The following GRIK5 variants were observed in gnomAD, a reference collection of about 807,000 sequenced individuals.
GRIK5 encodes the protein glutamate receptor ionotropic, kainate 5.
Under a neutral mutation model 97.4 loss-of-function variants are expected in GRIK5, and 43 were observed. The observed-to-expected ratio is 0.44, with a 90% CI of 0.35 to 0.57. The LOEUF is 0.57. GRIK5 is among the 20% of genes least tolerant of loss of function. The probability of loss-of-function intolerance (pLI) is 0.01; values close to 1 mark genes in which losing one functional copy is unlikely to be tolerated. For missense variants in GRIK5, 1,015 were observed against 1,382.0 expected (o/e 0.73, Z 4.21); for synonymous variants, 580 against 583.5 (o/e 0.99, Z 0.09).
intron 15 of GRIK5, among the ~76,000 whole-genome samples, chr19:42,018,633 TGA>T (rs2075657150): frequency 8.6e-6 from 1 of 116,670 alleles, no homozygotes; most frequent in South Asian, 2.8e-4. Context: ...CACTCCAGCC[TGA>T]GCAACAAAGC....
chr19:42,058,820 C>T (rs866484932), intron 6 of GRIK5, among the ~76,000 whole-genome samples: 17 of 143,010 alleles, frequency 1.2e-4, no homozygotes, highest in Middle Eastern at 3.3e-3. Context: ...AGCAAGACTC[C>T]GTCTCAAAAA....
chr19:42,066,587 A>C (rs747714739), intron 1 of GRIK5, among the ~76,000 whole-genome samples: 9 of 152,006 alleles, frequency 5.9e-5, no homozygotes, highest in Non-Finnish European at 1.3e-4. Flanking sequence ...AATAGATAGA[A>C]ATACAAGGGA....
In GRIK5 at chr19:42,021,300, C is replaced by T; in HGVS notation, c.1871+1G>A. 6.2e-7 allele frequency: 1 copy of T among 1,611,154 alleles called. No individual in the cohort carries two copies. Among genetic ancestry groups the T allele is most frequent in the South Asian group, 1.1e-5 (1 of 90,784 alleles). On this transcript the variant is annotated splice_donor_variant, in intron 15 of 19. Coordinates refer to ENST00000593562, the MANE Select transcript of GRIK5 (RefSeq NM_002088.5). LOFTEE classifies it high-confidence loss of function. The surrounding 1 kb of genome is among the most constrained non-coding windows in gnomAD (Gnocchi z 4.2). ...GCAGAGGCAGATAGAAAGCTTCTCA[C>T]CAGACTCCGCTGACACAGCGCGTGG...
At chr19:42,039,810 T>C (rs1051669838) in intron 12 of GRIK5, among the ~76,000 whole-genome samples, 2 of 151,942 alleles carry the variant, frequency 1.3e-5, no homozygotes, top group African/African-American at 4.8e-5. Flanking sequence ...CCAGACCCCA[T>C]CTCTACAAAA....
intron 12 of GRIK5, among the ~76,000 whole-genome samples, chr19:42,037,908 C>T (rs1295512578): frequency 1.3e-5 from 2 of 152,324 alleles, no homozygotes; most frequent in Non-Finnish European, 1.5e-5. Flanking sequence ...GTGACTGCAG[C>T]GCAGCTCAAC....
At chr19:42,052,677 G>A (rs2076132457) in intron 11 of GRIK5, among the ~76,000 whole-genome samples, 1 of 152,192 alleles carries the variant, frequency 6.6e-6, no homozygotes, top group African/African-American at 2.4e-5. Flanking sequence ...ACAGGCCACG[G>A]ACTTGGCCAC....
intron 11 of GRIK5, among the ~76,000 whole-genome samples, chr19:42,050,157 T>C (rs1462981048): frequency 1.3e-5 from 2 of 152,072 alleles, no homozygotes; most frequent in Non-Finnish European, 2.9e-5. Context: ...CTCAAACTCA[T>C]GGGCCCAAGT....
chr19:42,059,592 TCTC>T (rs949191607), intron 5 of GRIK5, 65 bp from the exon 6 acceptor site: 23 of 1,385,524 alleles, frequency 1.7e-5, no homozygotes, highest in African/African-American at 5.6e-5. Flanking sequence ...GTAGACACTC[TCTC>T]CTCCTCAACA....
intron 12 of GRIK5, among the ~76,000 whole-genome samples, chr19:42,032,274 A>G (rs2075848842): frequency 6.6e-6 from 1 of 152,236 alleles, no homozygotes; most frequent in Admixed American, 6.5e-5. Context: ...GGTTAAAACA[A>G]TGATATTATA....
Position 42,042,224 on chromosome 19 carries a change from T to C in GRIK5, c.1473+328A>G, listed in dbSNP as rs1568912837. ...GGAAGCCTTTGACCTCCTCAGACCT[T>C]TTCCTGCTCCCCACTCCATGTCTCT... On this transcript the variant is annotated intron_variant, in intron 12 of 19. Transcript: ENST00000593562. This position sits in a 1 kb window ranked among gnomAD's most constrained non-coding sequence, Gnocchi z 6.9. Among the ~76,000 whole-genome samples, 1 of 152,174 alleles carries C rather than the reference T, an allele frequency of 6.6e-6. No homozygotes were observed. The highest frequency in any genetic ancestry group is 2.4e-5 in the African/African-American group (1 of 41,432).
At position 42,056,759 on chromosome 19, in the gene GRIK5, A is replaced by G. The variant is rs1320570113; in HGVS notation, c.806T>C (p.Met269Thr). The G allele has an allele frequency of 1.2e-6, 2 of 1,613,934 alleles. No individual in the cohort carries two copies. Among genetic ancestry groups the G allele is most frequent in the Non-Finnish European group, 8.5e-7 (1 of 1,179,960 alleles). ...EDSSNILGFS[M>T]FNTSHPFYPE... is the part of the protein sequence containing the mutation. ...GTAGAAGGGGTGGGACGTGTTGAAC[A>G]TGGAGAAGCCCAGGATGTTGGAGGA... Residue 269 changes from methionine (M) to threonine (T), a missense_variant, in exon 8 of 20, where the codon ATG becomes ACG. Physicochemically the swap from Met to Thr is moderately conservative, Grantham distance 81. Transcript: ENST00000593562.
At position 42,017,505 on chromosome 19, in the gene GRIK5, T is replaced by C. The variant is rs117606170; in HGVS notation, c.1871+3796A>G. Among the ~76,000 whole-genome samples, 965 of 152,166 alleles carry C rather than the reference T, an allele frequency of 6.3e-3. 5 individuals carry two copies. Among genetic ancestry groups the C allele is most frequent in the Non-Finnish European group, 1.0e-2 (678 of 68,022 alleles). ...AAAAATATTTGTTATAAAAAGAGGG[T>C]GTTGGGTCTGCAAGCACTGAAAACT... is the stretch of plus-strand genomic sequence containing the variant. On this transcript the variant is annotated intron_variant, in intron 15 of 19. Coordinates refer to ENST00000593562, the MANE Select transcript of GRIK5 (RefSeq NM_002088.5).
In GRIK5 at chr19:42,065,293, T is replaced by C; in HGVS notation, c.174A>G (p.Pro58=). 6.2e-7 allele frequency: 1 copy of C among 1,613,226 alleles called. No homozygotes were observed. The change falls in exon 3 of 20, where the codon CCA becomes CCG. Residue 58 remains proline, a synonymous_variant. Transcript: ENST00000593562. The surrounding 1 kb of genome is among the most constrained non-coding windows in gnomAD (Gnocchi z 5.8). ...REQINGIIEV[P]AKARVEVDIF... is the part of the protein sequence containing the mutation. The stretch of plus-strand genomic sequence containing the variant: ...TGTCTACTTCCACTCGGGCCTTGGC[T>C]GGGACCTCGATGATCCCGTTGATCT...
rs759912122 is a variant in GRIK5, at chr19:42,005,267, A to G, written c.2263+456T>C. On this transcript the variant is annotated intron_variant, in intron 17 of 19. Coordinates refer to ENST00000593562, the MANE Select transcript of GRIK5 (RefSeq NM_002088.5). ...AAAAAAAAAAAAAAAACAAAACACCAAACTTGTCCTGAAATATAAATAGGC... is the reference window on the plus strand; with the variant it reads ...AAAAAAAAAAAAAAAACAAAACACCGAACTTGTCCTGAAATATAAATAGGC... 3.8e-4 allele frequency among the ~76,000 whole-genome samples: 56 copies of G among 147,770 alleles called. 2 individuals carry two copies. Among genetic ancestry groups the G allele is most frequent in the Non-Finnish European group, 8.0e-4 (54 of 67,158 alleles).
chr19:42,027,303 T>C (rs1025951583), intron 12 of GRIK5, among the ~76,000 whole-genome samples: 7 of 152,158 alleles, frequency 4.6e-5, no homozygotes, highest in Non-Finnish European at 7.4e-5. Flanking sequence ...GGGGGTCTTA[T>C]TTGAATAGCA....
chr19:42,024,674 T>TA (rs1411724290), intron 12 of GRIK5, among the ~76,000 whole-genome samples: 1 of 152,082 alleles, frequency 6.6e-6, no homozygotes, highest in Non-Finnish European at 1.5e-5. Flanking sequence ...TTTGACCGAG[T>TA]ACAGCCTCTC....
At position 42,056,962 on chromosome 19, in the gene GRIK5, A is replaced by ATTCC; in HGVS notation, c.700_703dup (p.Met235ArgfsTer46). ...GATGTACTTGTAAAACGCTGAGGTC[A>ATTCC]TTCCCAGTTCCGAGGCCTGGAAAAC... On this transcript the variant is annotated frameshift_variant, in exon 7 of 20. Coordinates refer to ENST00000593562, the MANE Select transcript of GRIK5 (RefSeq NM_002088.5). LOFTEE classifies it high-confidence loss of function. 6.4e-7 allele frequency: 1 copy of ATTCC among 1,560,072 alleles called. No homozygotes were observed.
Position 42,065,344 on chromosome 19 carries a change from A to C in GRIK5, c.123T>G (p.Arg41=). ...DDQTVCGRGE[R]LALALAREQI... The stretch of plus-strand genomic sequence containing the variant: ...GCTCCCGGGCCAAGGCCAAGGCCAG[A>C]CGCTCACCGCGGCCACACACTGTCT... The change falls in exon 3 of 20, where the codon CGT becomes CGG. Residue 41 remains arginine (R), a synonymous_variant. Transcript: ENST00000593562. This position sits in a 1 kb window ranked among gnomAD's most constrained non-coding sequence, Gnocchi z 5.8. The C allele has an allele frequency of 6.2e-7, 1 of 1,608,230 alleles. No homozygotes were observed. Among genetic ancestry groups the C allele is most frequent in the African/African-American group, 1.3e-5 (1 of 74,998 alleles).
Position 42,022,231 on chromosome 19 carries a change from G to A in GRIK5, c.1587+10C>T, listed in dbSNP as rs1369424144. ...AGGCAAGCAGCCCATGGTCTCCAGG[G>A]GAACCATACCATGTGCACTCGGTAG... On this transcript the variant is annotated intron_variant, in intron 13 of 19. Coordinates refer to ENST00000593562, the MANE Select transcript of GRIK5 (RefSeq NM_002088.5). The surrounding 1 kb of genome is among the most constrained non-coding windows in gnomAD (Gnocchi z 4.2). The A allele has an allele frequency of 1.3e-6, 2 of 1,592,080 alleles. No individual in the cohort carries two copies. The highest frequency in any genetic ancestry group is 1.7e-5 in the Admixed American group (1 of 59,984).
Sources: allele counts gnomAD v4.1 joint callset (sites outside exome capture counted in the v4.1 genomes callset), GRCh38; gene constraint gnomAD v4.1.1; non-coding constraint Gnocchi (gnomAD v3.1); transcripts MANE v1.5; gene names NCBI Gene and HGNC (gene_info 2026-07-23, HGNC 2026-07-21).